The following IL23R variants were observed in gnomAD, a reference collection of about 807,000 sequenced individuals.
IL23R encodes the protein interleukin-23 receptor.
IL23R carries 34 observed loss-of-function variants against 56.9 expected under a neutral mutation model. The ratio of observed to expected loss-of-function variants is 0.60; its 90% confidence interval spans 0.45 to 0.80. IL23R has a LOEUF of 0.80. IL23R is among the 30% of genes least tolerant of loss of function. The probability of loss-of-function intolerance (pLI) is 0.00; values close to 1 mark genes in which losing one functional copy is unlikely to be tolerated. For synonymous variants in IL23R, 230 were observed against 249.2 expected (o/e 0.92, Z 0.73); for missense variants, 635 against 730.0 (o/e 0.87, Z 1.50).
intron 1 of IL23R, among the ~76,000 whole-genome samples, chr1:67,160,784 C>G (rs1477909893): frequency 6.6e-6 from 1 of 152,070 alleles, no homozygotes; most frequent in Non-Finnish European, 1.5e-5. Flanking sequence ...TGGGTTCAAG[C>G]AATACTCCTG....
intron 1 of IL23R, among the ~76,000 whole-genome samples, chr1:67,152,960 C>T (rs1446403287): frequency 6.6e-6 from 1 of 152,164 alleles, no homozygotes; most frequent in Non-Finnish European, 1.5e-5. Flanking sequence ...ATGCTGGCCT[C>T]ATAAAATAAG....
At chr1:67,246,496 A>G (rs1009224816) in intron 9 of IL23R, among the ~76,000 whole-genome samples, 3 of 152,128 alleles carry the variant, frequency 2.0e-5, no homozygotes, top group African/African-American at 7.2e-5. Context: ...TGTCCCAGAG[A>G]TTCTGGTACA....
At chr1:67,213,016 G>C (rs1290250848) in intron 6 of IL23R, among the ~76,000 whole-genome samples, 1 of 152,110 alleles carries the variant, frequency 6.6e-6, no homozygotes, top group African/African-American at 2.4e-5. Flanking sequence ...TGGGATTACA[G>C]GCATCGGGCA....
intron 1 of IL23R, among the ~76,000 whole-genome samples, chr1:67,155,551 CTCCGATA>C (rs1646764272): frequency 6.6e-6 from 1 of 152,162 alleles, no homozygotes; most frequent in Admixed American, 6.5e-5. Flanking sequence ...GGTCTTCAAA[CTCCGATA>C]TCCTTTCTTC....
intron 7 of IL23R, among the ~76,000 whole-genome samples, chr1:67,228,209 T>C (rs1457565390): frequency 2.1e-5 from 3 of 139,924 alleles, no homozygotes; most frequent in Non-Finnish European, 4.6e-5. Context: ...CTCCCTTCTT[T>C]TTTAGACAGG....
At chr1:67,167,758 G>A (rs1646890842) in intron 1 of IL23R, among the ~76,000 whole-genome samples, 1 of 152,142 alleles carries the variant, frequency 6.6e-6, no homozygotes, top group South Asian at 2.1e-4. Context: ...AAAAAAAGAA[G>A]TTAACTCAGA....
intron 1 of IL23R, among the ~76,000 whole-genome samples, chr1:67,153,851 C>T (rs1159889678): frequency 1.3e-5 from 2 of 151,976 alleles, no homozygotes; most frequent in Admixed American, 6.6e-5. Flanking sequence ...CTGCAAGCTC[C>T]GCCTCCCAGG....
intron 7 of IL23R, among the ~76,000 whole-genome samples, chr1:67,229,771 A>G (rs1015444773): frequency 1.1e-4 from 16 of 152,238 alleles, no homozygotes; most frequent in African/African-American, 3.4e-4. Context: ...GTAATATTAT[A>G]GTAACCTGTT....
At chr1:67,248,105 C>A (rs1652361407) in intron 9 of IL23R, among the ~76,000 whole-genome samples, 1 of 152,006 alleles carries the variant, frequency 6.6e-6, no homozygotes, top group Non-Finnish European at 1.5e-5. Flanking sequence ...GGTTCCTGTT[C>A]TCCAGGAATA....
Position 67,257,023 on chromosome 1 carries a change from C to T in IL23R, c.1239+1096C>T, listed in dbSNP as rs184756074. 8.7e-4 allele frequency among the ~76,000 whole-genome samples: 132 copies of T among 152,228 alleles called. 1 individual carries two copies. Among genetic ancestry groups the T allele is most frequent in the Non-Finnish European group, 1.6e-4 (11 of 68,010 alleles). ...GTCAAGATTTTTGATGAAGCAATACCCAATGTGCTGTTCTTACCCAAACCT... is the reference window on the plus strand; with the variant it reads ...GTCAAGATTTTTGATGAAGCAATACTCAATGTGCTGTTCTTACCCAAACCT... On this transcript the variant is annotated intron_variant, in intron 10 of 10. Coordinates refer to ENST00000347310, the MANE Select transcript of IL23R (RefSeq NM_144701.3).
chr1:67,198,528 C>T (rs1648349914), intron 4 of IL23R, among the ~76,000 whole-genome samples: 2 of 152,146 alleles, frequency 1.3e-5, no homozygotes, highest in South Asian at 4.1e-4. Context: ...TACTTAATAG[C>T]CCTCTCTATT....
At chr1:67,262,981 C>T (rs1390273925), downstream of IL23R, among the ~76,000 whole-genome samples, 1 of 152,036 alleles carries the variant, frequency 6.6e-6, no homozygotes, top group East Asian at 1.9e-4. Flanking sequence ...CTTTCTCTCC[C>T]TCTCCCTCCC....
At chr1:67,214,862 C>G (rs6664620) in intron 6 of IL23R, among the ~76,000 whole-genome samples, 1,607 of 152,268 alleles carry the variant, frequency 0.011, 18 homozygotes, top group African/African-American at 0.037. Flanking sequence ...AGGCCCGAAA[C>G]CAGGACTGGG....
intron 3 of IL23R, among the ~76,000 whole-genome samples, chr1:67,178,679 G>C (rs566568615): frequency 2.1e-4 from 32 of 152,300 alleles, no homozygotes; most frequent in Admixed American, 2.0e-3. Context: ...GTGAGAGAGG[G>C]CATCCCCATC....
intron 3 of IL23R, among the ~76,000 whole-genome samples, chr1:67,181,223 A>G (rs1329194799): frequency 6.6e-6 from 1 of 152,104 alleles, no homozygotes; most frequent in Non-Finnish European, 1.5e-5. Flanking sequence ...TATCCTGCAG[A>G]GTGTTTTCCA....
At chr1:67,240,458 C>CT (rs1295847075) in intron 9 of IL23R, among the ~76,000 whole-genome samples, 177 bp downstream of exon 9, 1 of 152,170 alleles carries the variant, frequency 6.6e-6, no homozygotes, top group African/African-American at 2.4e-5. Flanking sequence ...CTACAAATGT[C>CT]TTTCCTTTAA....
rs369138638 is a variant in IL23R at position 67,219,552 on chromosome 1, T to C, written c.799-22T>C. On this transcript the variant is annotated intron_variant, in intron 6 of 10. Transcript: ENST00000347310. The stretch of plus-strand genomic sequence containing the variant: ...GTTTTAAAAGCACACCACATTTTAT[T>C]ATTGTTACCCATCCATTTTAGGTTA... 1,640 of 1,609,422 alleles carry C rather than the reference T, an allele frequency of 1.0e-3. 1 individual carries two copies. Among genetic ancestry groups the C allele is most frequent in the Non-Finnish European group, 1.3e-3 (1,527 of 1,176,646 alleles).
downstream of IL23R, among the ~76,000 whole-genome samples, chr1:67,264,873 ACTTATT>A (rs879827739): frequency 2.6e-4 from 39 of 152,194 alleles, no homozygotes; most frequent in African/African-American, 5.8e-4. Flanking sequence ...CAGATTAGGA[ACTTATT>A]CTTAAATGGT....
At chr1:67,176,168 G>A (rs1283454112) in intron 3 of IL23R, among the ~76,000 whole-genome samples, 2 of 152,082 alleles carry the variant, frequency 1.3e-5, no homozygotes, top group African/African-American at 4.8e-5. Flanking sequence ...GATTGTTTTG[G>A]GTTTAAATGC....
Sources: gnomAD v4.1 joint callset for allele counts (sites outside exome capture counted in the v4.1 genomes callset) on GRCh38, gnomAD v4.1.1 for gene constraint, MANE v1.5 for transcripts, NCBI Gene and HGNC (gene_info 2026-07-23, HGNC 2026-07-21) for gene names.